Variants in KLHL26 observed in about 807,000 individuals in gnomAD.
KLHL26 encodes the protein kelch like family member 26.
Under a neutral mutation model 7.1 loss-of-function variants are expected in KLHL26, and 4 were observed. The observed-to-expected ratio is 0.56, with a 90% CI of 0.28 to 1.28. The LOEUF is 1.28. KLHL26 is among the 50% of genes most tolerant of loss of function. KLHL26 has a pLI of 0.11. For synonymous variants in KLHL26, 465 were observed against 414.1 expected (o/e 1.12, Z -1.49); for missense variants, 896 against 924.6 (o/e 0.97, Z 0.40).
chr19:18,667,493 C>T (rs527653873), intron 2 of KLHL26, 171 bp from the exon 3 acceptor site: 20 of 1,200,532 alleles, frequency 1.7e-5, no homozygotes, highest in South Asian at 1.3e-4. Context: ...CATGAGCCAC[C>T]GCGCCCGGCC....
rs771857298 is a variant in KLHL26 at position 18,669,165 on chromosome 19, C to A, written c.1768C>A (p.Arg590=). 2 of 1,612,828 alleles carry A rather than the reference C, an allele frequency of 1.2e-6. No individual in the cohort carries two copies. Among genetic ancestry groups the A allele is most frequent in the South Asian group, 2.2e-5 (2 of 91,090 alleles). ...CAACACGGACACCGACGAGTGGGAG[C>A]GGGACCTGCACTTCCCGGAGTCCTT... ...VYNTDTDEWE[R]DLHFPESFAG... is the part of the protein sequence containing the mutation. Residue 590 remains arginine (R), a synonymous_variant, in exon 3 of 3, where the codon CGG becomes AGG. Coordinates refer to ENST00000300976, the MANE Select transcript of KLHL26 (RefSeq NM_018316.3).
chr19:18,661,210 T>G (rs571705064), intron 1 of KLHL26, among the ~76,000 whole-genome samples: 39 of 152,264 alleles, frequency 2.6e-4, no homozygotes, highest in Admixed American at 2.0e-3. Flanking sequence ...TGCTGGCCCC[T>G]GATGTCTCCT....
In KLHL26 at chr19:18,645,915, G is replaced by A. The variant is rs866331736; in HGVS notation, c.83+8778G>A. On this transcript the variant is annotated intron_variant, in intron 1 of 2. Coordinates refer to ENST00000300976, the MANE Select transcript of KLHL26 (RefSeq NM_018316.3). ...AAGTTGTGGCCGAGACGCTGCGCCC[G>A]GTGGGTTTGTCACAGTCAGTCTGGC... Among the ~76,000 whole-genome samples the A allele has an allele frequency of 2.0e-5, 3 of 151,996 alleles. No homozygotes were observed. In the East Asian group the frequency reaches 5.8e-4, roughly 29 times the overall value.
chr19:18,648,711 C>T lies in KLHL26; in HGVS notation c.83+11574C>T, dbSNP rs1976848235. Among the ~76,000 whole-genome samples the T allele has an allele frequency of 6.6e-6, 1 of 152,188 alleles. No individual in the cohort carries two copies. The highest frequency in any genetic ancestry group is 2.4e-5 in the African/African-American group (1 of 41,440). On this transcript the variant is annotated intron_variant, in intron 1 of 2. Coordinates refer to ENST00000300976, the MANE Select transcript of KLHL26 (RefSeq NM_018316.3). The surrounding 1 kb of genome is among the most constrained non-coding windows in gnomAD (Gnocchi z 4.9). ...TTCAGGTCTTCCCACCAGCAGGTCC[C>T]AGTCCTGGGAATGTCCCTCCTCCTG... is the stretch of plus-strand genomic sequence containing the variant.
chr19:18,666,583 T>C (rs925699633), intron 2 of KLHL26, among the ~76,000 whole-genome samples: 1 of 152,128 alleles, frequency 6.6e-6, no homozygotes, highest in Non-Finnish European at 1.5e-5. Context: ...CCCACTCTCA[T>C]GTTCTGCCTC....
intron 2 of KLHL26, among the ~76,000 whole-genome samples, chr19:18,666,840 G>C (rs1183726382): frequency 6.6e-6 from 1 of 152,242 alleles, no homozygotes; most frequent in Non-Finnish European, 1.5e-5. Context: ...ACAAGGTGAG[G>C]GTTGAACTGT....
rs370099409 is a variant in KLHL26, at chr19:18,656,567, C to G, written c.84-7694C>G. Among the ~76,000 whole-genome samples, 1 of 152,180 alleles carries G rather than the reference C, an allele frequency of 6.6e-6. No homozygotes were observed. The highest frequency in any genetic ancestry group is 2.4e-5 in the African/African-American group (1 of 41,444). On this transcript the variant is annotated intron_variant, in intron 1 of 2. Transcript: ENST00000300976. This position sits in a 1 kb window ranked among gnomAD's most constrained non-coding sequence, Gnocchi z 4.4. ...CCAAGGACAGACAGGCAGGGAATGGCTCCAGATCAGGAGGCTGGGAGGAAG... is the reference window on the plus strand; with the variant it reads ...CCAAGGACAGACAGGCAGGGAATGGGTCCAGATCAGGAGGCTGGGAGGAAG...
Position 18,656,100 on chromosome 19 carries a change from CCT to C in KLHL26, c.84-8160_84-8159del, listed in dbSNP as rs925602963. Among the ~76,000 whole-genome samples, 12 of 152,290 alleles carry C rather than the reference CCT, an allele frequency of 7.9e-5. No individual in the cohort carries two copies. Among genetic ancestry groups the C allele is most frequent in the Admixed American group, 7.2e-4 (11 of 15,302 alleles). ...TTGCAAACCACTGCACCTCTAACCC[CCT>C]GTTTTCTGGAAGGTTTGAGCAAGGC... On this transcript the variant is annotated intron_variant, in intron 1 of 2. Transcript: ENST00000300976. This position sits in a 1 kb window ranked among gnomAD's most constrained non-coding sequence, Gnocchi z 4.4.
Position 18,659,511 on chromosome 19 carries a change from C to T in KLHL26, c.84-4750C>T, listed in dbSNP as rs192060906. 3.7e-4 allele frequency among the ~76,000 whole-genome samples: 57 copies of T among 152,364 alleles called. 1 individual carries two copies. The East Asian group carries it at 8.7e-3, about 23-fold the overall frequency. On this transcript the variant is annotated intron_variant, in intron 1 of 2. Transcript: ENST00000300976. Reference sequence around the variant, plus strand: ...CTCCTCTTTGAGGGGAAGTGAGGGACTGCGCGCGTCAGAACCGCCTATGAG... The same window carrying T: ...CTCCTCTTTGAGGGGAAGTGAGGGATTGCGCGCGTCAGAACCGCCTATGAG...
At position 18,650,226 on chromosome 19, in the gene KLHL26, T is replaced by G. The variant is rs565117001; in HGVS notation, c.83+13089T>G. Among the ~76,000 whole-genome samples, 188 of 152,188 alleles carry G rather than the reference T, an allele frequency of 1.2e-3. No homozygotes were observed. The highest frequency in any genetic ancestry group is 3.4e-3 in the Middle Eastern group (1 of 292). On this transcript the variant is annotated intron_variant, in intron 1 of 2. Transcript: ENST00000300976. The surrounding 1 kb of genome is among the most constrained non-coding windows in gnomAD (Gnocchi z 4.2). The stretch of plus-strand genomic sequence containing the variant: ...GGGCTGGATATCCGGAGAGTTCTGC[T>G]CTCCACGGGATGTTAGAATTTGAGG...
At chr19:18,643,095 G>A (rs1026172677) in intron 1 of KLHL26, among the ~76,000 whole-genome samples, 1 of 151,196 alleles carries the variant, frequency 6.6e-6, no homozygotes, top group Non-Finnish European at 1.5e-5. Context: ...GCCTCCCAAA[G>A]TGTTGGGATT....
At chr19:18,667,634 C>G in intron 2 of KLHL26, 30 bp from the exon 3 acceptor site, 1 of 1,584,740 alleles carries the variant, frequency 6.3e-7, no homozygotes, top group Non-Finnish European at 8.6e-7. Flanking sequence ...TCAGCCACTG[C>G]CAGCCACACG....
chr19:18,664,827 G>A (rs1250604680), intron 2 of KLHL26, among the ~76,000 whole-genome samples: 1 of 151,976 alleles, frequency 6.6e-6, no homozygotes, highest in Admixed American at 6.6e-5. Flanking sequence ...TTCGTGATCT[G>A]CCTGCCTTGG....
rs1267888243 is a variant in KLHL26, at chr19:18,650,926, C to T, written c.84-13335C>T. 1.3e-5 allele frequency among the ~76,000 whole-genome samples: 2 copies of T among 152,100 alleles called. No homozygotes were observed. Among genetic ancestry groups the T allele is most frequent in the Non-Finnish European group, 2.9e-5 (2 of 68,008 alleles). On this transcript the variant is annotated intron_variant, in intron 1 of 2. Coordinates refer to ENST00000300976, the MANE Select transcript of KLHL26 (RefSeq NM_018316.3). This position sits in a 1 kb window ranked among gnomAD's most constrained non-coding sequence, Gnocchi z 4.2. ...CCCGGTAGGAAGCTGGTGTGCACTG[C>T]AGGGAGAGGCGGCAGCTGGAAAAGT...
At chr19:18,663,759 G>T (rs1053393217) in intron 1 of KLHL26, among the ~76,000 whole-genome samples, 1 of 151,746 alleles carries the variant, frequency 6.6e-6, no homozygotes, top group Admixed American at 6.6e-5. Context: ...ATAGCAAAGG[G>T]GTGGTGGGGC....
Position 18,668,830 on chromosome 19 carries a change from T to G in KLHL26, c.1433T>G (p.Leu478Arg). The change falls in exon 3 of 3, where the codon CTG becomes CGG. Residue 478 changes from leucine to arginine, a missense_variant. Physicochemically the swap from Leu to Arg is moderately radical, Grantham distance 102. Coordinates refer to ENST00000300976, the MANE Select transcript of KLHL26 (RefSeq NM_018316.3). ...YGISVEDKKA[L>R]HCYDPVADQW... ...ATCTCAGTGGAGGACAAGAAGGCCC[T>G]GCACTGCTACGACCCCGTGGCCGAC... 1.3e-6 allele frequency: 2 copies of G among 1,594,602 alleles called. No homozygotes were observed. The highest frequency in any genetic ancestry group is 1.7e-6 in the Non-Finnish European group (2 of 1,177,010).
chr19:18,641,419 A>G (rs1186346036), intron 1 of KLHL26, among the ~76,000 whole-genome samples: 1 of 150,500 alleles, frequency 6.6e-6, no homozygotes, highest in Non-Finnish European at 1.5e-5. Flanking sequence ...CTTGGGTTCA[A>G]GCGATTTTCA....
In KLHL26 at chr19:18,669,259, C is replaced by G. The variant is rs1467607154; in HGVS notation, c.*14C>G. 6.3e-7 allele frequency: 1 copy of G among 1,597,338 alleles called. No homozygotes were observed. The highest frequency in any genetic ancestry group is 1.7e-5 in the Admixed American group (1 of 59,380). ...ACCAGGAGGTAGCCCCCAAGACCCC[C>G]GGGACCCTGGCCTGACCGCATGTTG... On this transcript the variant is annotated 3_prime_UTR_variant, in exon 3 of 3. Transcript: ENST00000300976.
At position 18,656,270 on chromosome 19, in the gene KLHL26, G is replaced by A. The variant is rs1428776896; in HGVS notation, c.84-7991G>A. Among the ~76,000 whole-genome samples, 8 of 152,176 alleles carry A rather than the reference G, an allele frequency of 5.3e-5. No homozygotes were observed. Among genetic ancestry groups the A allele is most frequent in the Non-Finnish European group, 8.8e-5 (6 of 68,032 alleles). On this transcript the variant is annotated intron_variant, in intron 1 of 2. Coordinates refer to ENST00000300976, the MANE Select transcript of KLHL26 (RefSeq NM_018316.3). This position sits in a 1 kb window ranked among gnomAD's most constrained non-coding sequence, Gnocchi z 4.4. The stretch of plus-strand genomic sequence containing the variant: ...CTCAACCTGCTGAGCCTGAGAGCAG[G>A]GAGTGTCTCCTGCCACCTCACTGGG...
Sources: allele counts gnomAD v4.1 joint callset (sites outside exome capture counted in the v4.1 genomes callset), GRCh38; gene constraint gnomAD v4.1.1; non-coding constraint Gnocchi (gnomAD v3.1); transcripts MANE v1.5; gene names NCBI Gene and HGNC (gene_info 2026-07-23, HGNC 2026-07-21).